Variants in GNAL observed in about 807,000 individuals in gnomAD.
GNAL encodes the protein guanine nucleotide-binding protein G(olf) subunit alpha.
A neutral mutation model predicts 55.1 loss-of-function variants in GNAL; 18 were observed. That is an observed-to-expected ratio of 0.33 (90% CI 0.23 to 0.48). The LOEUF is 0.48. GNAL is among the 20% of genes least tolerant of loss of function. GNAL has a pLI of 0.99. For missense variants in GNAL, 412 were observed against 614.1 expected, an observed-to-expected ratio of 0.67 and a Z score of 3.48; for synonymous variants, 253 against 237.0, an observed-to-expected ratio of 1.07 and a Z score of -0.62.
intron 5 of GNAL, among the ~76,000 whole-genome samples, chr18:11,827,898 G>A (rs2035287883): frequency 6.6e-6 from 1 of 151,848 alleles, no homozygotes; most frequent in African/African-American, 2.4e-5. Flanking sequence ...GTGAACCCGG[G>A]AGGCGGAGCT....
chr18:11,785,307 G>A (rs1042005347), intron 4 of GNAL, among the ~76,000 whole-genome samples: 3 of 152,168 alleles, frequency 2.0e-5, no homozygotes, highest in South Asian at 2.1e-4. Flanking sequence ...CATCCTTTAG[G>A]GAATCCCTGG....
intron 1 of GNAL, among the ~76,000 whole-genome samples, chr18:11,742,562 G>C (rs73947605): frequency 2.0e-4 from 30 of 152,232 alleles, no homozygotes; most frequent in Non-Finnish European, 3.7e-4. Flanking sequence ...AAAAGTTTCC[G>C]TGCCAAGAAC....
intron 4 of GNAL, among the ~76,000 whole-genome samples, chr18:11,794,832 T>TTTTGTTTG (rs113337660): frequency 6.6e-6 from 1 of 151,602 alleles, no homozygotes; most frequent in Admixed American, 6.6e-5. Flanking sequence ...GCACTTTGTT[T>TTTTGTTTG]TTTGTTTGTT....
At chr18:11,771,772 T>C (rs2143284410) in intron 4 of GNAL, among the ~76,000 whole-genome samples, 1 of 152,188 alleles carries the variant, frequency 6.6e-6, no homozygotes, top group South Asian at 2.1e-4. Flanking sequence ...TGGAGTATAG[T>C]GGTGCGATCT....
At chr18:11,755,497 G>A (rs1410961097) in intron 4 of GNAL, among the ~76,000 whole-genome samples, 1 of 152,142 alleles carries the variant, frequency 6.6e-6, no homozygotes, top group African/African-American at 2.4e-5. Flanking sequence ...GGATGGTCTC[G>A]ATCTCCTGAC....
chr18:11,825,438 G>A (rs2035214649), intron 5 of GNAL, among the ~76,000 whole-genome samples: 1 of 152,122 alleles, frequency 6.6e-6, no homozygotes, highest in Non-Finnish European at 1.5e-5. Context: ...CACATTAGAA[G>A]TATACCAGAA....
intron 1 of GNAL, among the ~76,000 whole-genome samples, chr18:11,697,259 C>G (rs529071618): frequency 6.6e-6 from 1 of 151,732 alleles, no homozygotes; most frequent in African/African-American, 2.4e-5. Context: ...GTGAGGAGGC[C>G]GGGCACGGTG....
At position 11,752,959 on chromosome 18, in the gene GNAL, C is replaced by T. The variant is rs759646604; in HGVS notation, c.449+34C>T. 2.4e-6 allele frequency: 3 copies of T among 1,270,776 alleles called. No individual in the cohort carries two copies. The African/African-American group carries it at 4.4e-5, about 19-fold the overall frequency. 78.7% of individuals were successfully genotyped at this position (1,270,776 alleles called of 1,614,324 possible). A position where few individuals can be genotyped will look rare whatever the true frequency, so the allele number is the denominator to read the frequency against. On this transcript the variant is annotated intron_variant, in intron 2 of 11. Coordinates refer to ENST00000334049, the MANE Select transcript of GNAL (RefSeq NM_182978.4). The surrounding 1 kb of genome is among the most constrained non-coding windows in gnomAD (Gnocchi z 4.5). ...GTTCAGTTTGCTTCCAAACTGCATGCAAACTTCGTCTCTCTCCCAGACGTC... is the reference window on the plus strand; with the variant it reads ...GTTCAGTTTGCTTCCAAACTGCATGTAAACTTCGTCTCTCTCCCAGACGTC...
intron 1 of GNAL, among the ~76,000 whole-genome samples, chr18:11,693,467 T>G (rs1251058753): frequency 2.6e-5 from 4 of 152,256 alleles, no homozygotes; most frequent in African/African-American, 9.6e-5. Context: ...TTGACATTGT[T>G]TATCAATTTT....
chr18:11,836,931 T>C (rs1245215510), intron 5 of GNAL, among the ~76,000 whole-genome samples: 3 of 152,196 alleles, frequency 2.0e-5, no homozygotes, highest in Non-Finnish European at 4.4e-5. Flanking sequence ...CTTCATATCT[T>C]GAACCTAGTT....
chr18:11,866,835 A>C (rs2036273681), intron 7 of GNAL, among the ~76,000 whole-genome samples: 1 of 140,124 alleles, frequency 7.1e-6, no homozygotes, highest in Non-Finnish European at 1.5e-5. Flanking sequence ...TGAGTGTCTG[A>C]GCAGGTAACC....
chr18:11,689,591 C>T lies in GNAL; in HGVS notation c.28C>T (p.Leu10=). Residue 10 remains leucine, a synonymous_variant, in exon 1 of 12, where the codon CTG becomes TTG. Coordinates refer to ENST00000334049, the MANE Select transcript of GNAL (RefSeq NM_182978.4). MGLCYSLRP[L]LFGGPGDDPC... is the part of the protein sequence containing the mutation. ...GGGTCTGTGCTACAGTCTGCGGCCG[C>T]TGCTTTTCGGGGGCCCAGGGGACGA... 1 of 1,334,536 alleles carries T rather than the reference C, an allele frequency of 7.5e-7. No homozygotes were observed. Among genetic ancestry groups the T allele is most frequent in the African/African-American group, 1.5e-5 (1 of 64,630 alleles). The allele number at this position is 1,334,536 out of a possible 1,614,324, so 82.7% of individuals were successfully genotyped here. A position where few individuals can be genotyped will look rare whatever the true frequency, so the allele number is the denominator to read the frequency against.
chr18:11,728,320 C>T lies in GNAL; in HGVS notation c.377-24533C>T, dbSNP rs187267673. On this transcript the variant is annotated intron_variant, in intron 1 of 11. Transcript: ENST00000334049. ...CATGATTGTTGTCTCATTTTAATGT[C>T]TCTCTGAGCCTGATGATTTAAAAGG... Among the ~76,000 whole-genome samples the T allele has an allele frequency of 3.7e-3, 562 of 152,224 alleles. 1 individual carries two copies. The highest frequency in any genetic ancestry group is 0.014 in the Middle Eastern group (4 of 294).
intron 4 of GNAL, among the ~76,000 whole-genome samples, chr18:11,792,475 T>C (rs947559085): frequency 6.6e-6 from 1 of 152,228 alleles, no homozygotes; most frequent in African/African-American, 2.4e-5. Flanking sequence ...CATAAGCCAC[T>C]GCACCCAGCT....
Position 11,752,209 on chromosome 18 carries a change from TTTAC to T in GNAL, c.377-642_377-639del. On this transcript the variant is annotated intron_variant, in intron 1 of 11. Transcript: ENST00000334049. This position sits in a 1 kb window ranked among gnomAD's most constrained non-coding sequence, Gnocchi z 4.5. ...AAACAATTCTCGTGTAAAAAGGCAT[TTTAC>T]TCCGCGCGTCTTCCTTACAGCCATT... 2.6e-6 allele frequency: 2 copies of T among 775,016 alleles called. No individual in the cohort carries two copies. Among genetic ancestry groups the T allele is most frequent in the Non-Finnish European group, 3.7e-6 (2 of 546,034 alleles). 48.0% of individuals were successfully genotyped at this position (775,016 alleles called of 1,614,324 possible).
At chr18:11,734,426 C>T (rs1046719367) in intron 1 of GNAL, among the ~76,000 whole-genome samples, 6 of 151,944 alleles carry the variant, frequency 3.9e-5, no homozygotes, top group Non-Finnish European at 7.4e-5. Context: ...CAGGCGTGAC[C>T]CACCGCGCCG....
intron 1 of GNAL, among the ~76,000 whole-genome samples, chr18:11,740,348 C>T (rs973721977): frequency 2.6e-5 from 4 of 152,076 alleles, no homozygotes; most frequent in Non-Finnish European, 4.4e-5. Flanking sequence ...ACACCCCACA[C>T]CCCCAGTTAG....
At chr18:11,785,001 G>A (rs1378823830) in intron 4 of GNAL, among the ~76,000 whole-genome samples, 8 of 152,166 alleles carry the variant, frequency 5.3e-5, no homozygotes. Context: ...GCACAATGTT[G>A]TTGGAAGAAA....
At position 11,884,451 on chromosome 18, in the gene GNAL, T is replaced by C; in HGVS notation, c.*3316T>C. 2 of 1,613,224 alleles carry C rather than the reference T, an allele frequency of 1.2e-6. No individual in the cohort carries two copies. The highest frequency in any genetic ancestry group is 1.7e-6 in the Non-Finnish European group (2 of 1,179,440). ...TTATAATGGCGCCTGCTCTTCATCT[T>C]GTCTTACGCTTTCCGAGCAAGTTCA... is the stretch of plus-strand genomic sequence containing the variant. On this transcript the variant is annotated 3_prime_UTR_variant, in exon 12 of 12. Transcript: ENST00000334049.
Sources: gnomAD v4.1 joint callset for allele counts (sites outside exome capture counted in the v4.1 genomes callset) on GRCh38, gnomAD v4.1.1 for gene constraint, Gnocchi (gnomAD v3.1) non-coding constraint, MANE v1.5 for transcripts, NCBI Gene and HGNC (gene_info 2026-07-23, HGNC 2026-07-21) for gene names.